The following RBFOX1 variants were observed in gnomAD, a reference collection of about 807,000 sequenced individuals.
The protein encoded by RBFOX1 is RNA binding protein fox-1 homolog 1.
RBFOX1 carries 8 observed loss-of-function variants against 57.7 expected under a neutral mutation model. That is an observed-to-expected ratio of 0.14 (90% CI 0.08 to 0.25). The LOEUF is 0.25. RBFOX1 is among the 10% of genes least tolerant of loss of function. The probability of loss-of-function intolerance (pLI) is 1.00; values close to 1 mark genes in which losing one functional copy is unlikely to be tolerated. For synonymous variants in RBFOX1, 326 were observed against 222.4 expected (o/e 1.47, Z -4.15); for missense variants, 611 against 548.5 (o/e 1.11, Z -1.14).
chr16:5,576,626 A>G (rs1335704119), intron 2 of RBFOX1, among the ~76,000 whole-genome samples: 1 of 152,076 alleles, frequency 6.6e-6, no homozygotes, highest in Non-Finnish European at 1.5e-5. Context: ...GCCAAAGTCC[A>G]TTTTCCGCTG....
At chr16:6,558,239 G>A (rs111862823) in intron 2 of RBFOX1, among the ~76,000 whole-genome samples, 3 of 152,020 alleles carry the variant, frequency 2.0e-5, no homozygotes, top group Non-Finnish European at 4.4e-5. Context: ...TATGTGGCTC[G>A]TCCCCACCTC....
intron 2 of RBFOX1, among the ~76,000 whole-genome samples, chr16:6,332,805 G>A (rs117612620): frequency 0.012 from 1,856 of 152,182 alleles, 23 homozygotes; most frequent in Non-Finnish European, 0.019. Context: ...AAACCATGCC[G>A]TGGACTAGAA....
chr16:6,067,539 A>G (rs954279895), intron 1 of RBFOX1, among the ~76,000 whole-genome samples: 2 of 152,220 alleles, frequency 1.3e-5, no homozygotes, highest in African/African-American at 4.8e-5. Context: ...ATTAGGTAGA[A>G]TATCCAAACT....
At chr16:7,433,279 C>A (rs1020549140) in intron 4 of RBFOX1, among the ~76,000 whole-genome samples, 2 of 152,178 alleles carry the variant, frequency 1.3e-5, no homozygotes, top group Non-Finnish European at 2.9e-5. Context: ...AGTAAGGGTC[C>A]AGTTCTAATT....
chr16:6,773,903 G>T (rs938653051), intron 3 of RBFOX1: 34 of 960,980 alleles, frequency 3.5e-5, no homozygotes, highest in Non-Finnish European at 4.2e-5. Context: ...TGGGCATGGA[G>T]TGCATTTGCG....
intron 3 of RBFOX1, among the ~76,000 whole-genome samples, chr16:6,965,260 G>C (rs1187725491): frequency 6.6e-6 from 1 of 151,984 alleles, no homozygotes; most frequent in African/African-American, 2.4e-5. Flanking sequence ...AAAAAATGGA[G>C]AATTCAGGAC....
intron 9 of RBFOX1, among the ~76,000 whole-genome samples, chr16:7,600,274 A>G (rs941494172): frequency 2.0e-5 from 3 of 152,180 alleles, no homozygotes; most frequent in African/African-American, 7.2e-5. Flanking sequence ...AGTAGAATTT[A>G]TTTAAAACAC....
intron 3 of RBFOX1, among the ~76,000 whole-genome samples, chr16:6,965,031 A>C (rs2083805032): frequency 6.6e-6 from 1 of 151,992 alleles, no homozygotes; most frequent in Non-Finnish European, 1.5e-5. Flanking sequence ...TTGCTTTATT[A>C]TCTCTAGGTT....
intron 5 of RBFOX1, among the ~76,000 whole-genome samples, chr16:7,525,476 A>C (rs557731752): frequency 1.3e-5 from 2 of 152,232 alleles, no homozygotes; most frequent in African/African-American, 2.4e-5. Flanking sequence ...ACATGGACTT[A>C]AGATGTGGAC....
At chr16:6,453,329 T>C (rs2094682189) in intron 2 of RBFOX1, among the ~76,000 whole-genome samples, 1 of 152,160 alleles carries the variant, frequency 6.6e-6, no homozygotes, top group South Asian at 2.1e-4. Flanking sequence ...GTTTTCATTA[T>C]TCAACTCGTA....
At chr16:5,818,801 A>C (rs1567582770) in intron 3 of RBFOX1, among the ~76,000 whole-genome samples, 3 of 152,152 alleles carry the variant, frequency 2.0e-5, no homozygotes, top group South Asian at 2.1e-4. Flanking sequence ...CCCTGTGTCC[A>C]TTATGTTCTA....
In RBFOX1 at chr16:6,755,669, C is replaced by G. The variant is rs567560180; in HGVS notation, c.-16+101019C>G. Among the ~76,000 whole-genome samples, 19 of 152,234 alleles carry G rather than the reference C, an allele frequency of 1.2e-4. No homozygotes were observed. In the South Asian group the frequency reaches 3.9e-3, roughly 32 times the overall value. ...AACTTTAGTAAAAACAACTTTTAAT[C>G]ACTTTGCTATAAATATAATACTAGA... On this transcript the variant is annotated intron_variant, in intron 3 of 15. Coordinates refer to ENST00000550418, the MANE Select transcript of RBFOX1 (RefSeq NM_018723.4).
intron 2 of RBFOX1, among the ~76,000 whole-genome samples, chr16:6,532,629 G>T (rs943732922): frequency 1.3e-5 from 2 of 152,014 alleles, no homozygotes; most frequent in Non-Finnish European, 2.9e-5. Context: ...CCTGGTGATC[G>T]TCTCTTCTCG....
At chr16:5,471,786 A>G (rs544018156) in intron 2 of RBFOX1, among the ~76,000 whole-genome samples, 29 of 152,336 alleles carry the variant, frequency 1.9e-4, no homozygotes, top group African/African-American at 6.7e-4. Context: ...TGGCAGCGGT[A>G]TATTTCTAGA....
At chr16:5,681,583 G>T (rs1453100868) in intron 3 of RBFOX1, among the ~76,000 whole-genome samples, 2 of 151,028 alleles carry the variant, frequency 1.3e-5, no homozygotes. Flanking sequence ...AGTAGAGACG[G>T]ACTTTCTCCA....
intron 3 of RBFOX1, among the ~76,000 whole-genome samples, chr16:5,687,238 C>T (rs1041841114): frequency 2.6e-5 from 4 of 152,230 alleles, no homozygotes; most frequent in South Asian, 4.2e-4. Context: ...AGGAGTGGAA[C>T]AGTAGGAGGA....
chr16:7,540,557 A>T (rs1003379621), intron 5 of RBFOX1, among the ~76,000 whole-genome samples: 1 of 152,230 alleles, frequency 6.6e-6, no homozygotes, highest in Non-Finnish European at 1.5e-5. Context: ...TGCCAGGTTT[A>T]TACAACACAT....
intron 2 of RBFOX1, among the ~76,000 whole-genome samples, chr16:6,402,271 A>C (rs1248442683): frequency 6.6e-6 from 1 of 152,180 alleles, no homozygotes; most frequent in African/African-American, 2.4e-5. Flanking sequence ...CTGGGGTAGA[A>C]TAAACTTCGG....
intron 1 of RBFOX1, among the ~76,000 whole-genome samples, chr16:6,304,475 G>A (rs1389548466): frequency 6.6e-6 from 1 of 152,094 alleles, no homozygotes; most frequent in Non-Finnish European, 1.5e-5. Context: ...ATTGCTAACG[G>A]AGGAGGAGGA....
Sources: gnomAD v4.1 joint callset for allele counts (sites outside exome capture counted in the v4.1 genomes callset) on GRCh38, gnomAD v4.1.1 for gene constraint, MANE v1.5 for transcripts, NCBI Gene and HGNC (gene_info 2026-07-23, HGNC 2026-07-21) for gene names.